Variants in ZNF418 observed in about 807,000 individuals in gnomAD.
ZNF418 encodes zinc finger protein 418.
A neutral mutation model predicts 32.0 loss-of-function variants in ZNF418; 32 were observed. That is an observed-to-expected ratio of 1.00 (90% CI 0.75 to 1.34). ZNF418 has a LOEUF of 1.34. Ranked by LOEUF, ZNF418 falls within the 40% of genes most tolerant of loss-of-function variation. The pLI, the probability that ZNF418 is intolerant of heterozygous loss-of-function variation, is 0.00. For synonymous variants in ZNF418, 276 were observed against 270.7 expected (o/e 1.02, Z -0.19); for missense variants, 804 against 812.5 (o/e 0.99, Z 0.13).
Position 57,928,039 on chromosome 19 carries a change from A to T in ZNF418, c.142T>A (p.Cys48Ser). 6.5e-7 allele frequency: 1 copy of T among 1,528,338 alleles called. No homozygotes were observed. The highest frequency in any genetic ancestry group is 1.3e-5 in the South Asian group (1 of 77,758). 94.7% of individuals were successfully genotyped at this position (1,528,338 alleles called of 1,614,324 possible). A position where few individuals can be genotyped will look rare whatever the true frequency, so the allele number is the denominator to read the frequency against. Residue 48 changes from cysteine (C) to serine (S), a missense_variant, in exon 4 of 6, where the codon TGT becomes AGT. Coordinates refer to ENST00000396147, the MANE Select transcript of ZNF418 (RefSeq NM_133460.3). ...WVLISSLGCW[C>S]GSEDEEAPSK... ...GGTGCCTCCTCATCTTCTGATCCACACCAACAACCTGAAAGCAAGAAAATG... is the reference window on the plus strand; with the variant it reads ...GGTGCCTCCTCATCTTCTGATCCACTCCAACAACCTGAAAGCAAGAAAATG...
In ZNF418 at chr19:57,926,410, A is replaced by G. The variant is rs773300226; in HGVS notation, c.1771T>C (p.Tyr591His). The change falls in exon 4 of 6, where the codon TAT becomes CAT. Residue 591 changes from tyrosine (Y) to histidine (H), a missense_variant. Tyr to His is a moderately conservative substitution (Grantham distance 83). Transcript: ENST00000396147. ...HRRVHTGERPYECRECGKTFT... is the reference protein window; with the variant it reads ...HRRVHTGERPHECRECGKTFT... ...GTTTTTCCACATTCCCTGCATTCAT[A>G]AGGCCTTTCTCCAGTGTGAACTCTC... 6.2e-7 allele frequency: 1 copy of G among 1,614,170 alleles called. No homozygotes were observed. The highest frequency in any genetic ancestry group is 1.1e-5 in the South Asian group (1 of 91,086).
chr19:57,934,277 G>C, intron 1 of ZNF418: 1 of 985,620 alleles, frequency 1.0e-6, no homozygotes, highest in Non-Finnish European at 1.2e-6. Flanking sequence ...CCAGGCCGGA[G>C]TGCAATGGCT....
Position 57,933,392 on chromosome 19 carries a change from C to G in ZNF418, c.6+425G>C, listed in dbSNP as rs1600186505. ...CAGGAGATCAAGACCATCTGGCTAACACGGTGAAACCCCATCTCTACTAAA... is the reference window on the plus strand; with the variant it reads ...CAGGAGATCAAGACCATCTGGCTAAGACGGTGAAACCCCATCTCTACTAAA... On this transcript the variant is annotated intron_variant, in intron 2 of 5. Coordinates refer to ENST00000396147, the MANE Select transcript of ZNF418 (RefSeq NM_133460.3). Among the ~76,000 whole-genome samples, 8 of 151,842 alleles carry G rather than the reference C, an allele frequency of 5.3e-5. 1 individual carries two copies. The South Asian group carries it at 1.7e-3, about 32-fold the overall frequency.
At chr19:57,929,510 G>A (rs28545524) in intron 3 of ZNF418, among the ~76,000 whole-genome samples, 4,875 of 152,202 alleles carry the variant, frequency 0.032, 273 homozygotes, top group African/African-American at 0.11. Context: ...AAACAGTGAT[G>A]AGCCAGGAAG....
chr19:57,935,193 T>C lies in ZNF418; in HGVS notation c.-113A>G. 3.8e-6 allele frequency: 5 copies of C among 1,300,230 alleles called. No homozygotes were observed. The highest frequency in any genetic ancestry group is 5.0e-6 in the Non-Finnish European group (5 of 1,004,390). 80.5% of individuals were successfully genotyped at this position (1,300,230 alleles called of 1,614,324 possible). ...GGGAGCCTCAGCGCGGCCGCCGCCATCCCGAGTACGCGGGGAAAGCACTGC... is the reference window on the plus strand; with the variant it reads ...GGGAGCCTCAGCGCGGCCGCCGCCACCCCGAGTACGCGGGGAAAGCACTGC... On this transcript the variant is annotated 5_prime_UTR_variant, in exon 1 of 6. It removes an upstream start codon present in the reference 5' UTR. Transcript: ENST00000396147.
chr19:57,927,040 G>A lies in ZNF418; in HGVS notation c.1141C>T (p.Gln381Ter). The A allele has an allele frequency of 1.2e-6, 2 of 1,613,950 alleles. No individual in the cohort carries two copies. The highest frequency in any genetic ancestry group is 8.5e-7 in the Non-Finnish European group (1 of 1,180,024). ...TGATGTTCAGTTAGGGTGCCCTTTT[G>A]ACTAAAACATTTTCCACATTCTTCA... ...ECEECGKCFSQKGTLTEHHRV... is the reference protein window; with the variant it reads ...ECEECGKCFS Residue 381 changes from glutamine to a stop codon, truncating the protein, a stop_gained, in exon 4 of 6, where the codon CAA (glutamine) becomes TAA (stop). Coordinates refer to ENST00000396147, the MANE Select transcript of ZNF418 (RefSeq NM_133460.3). LOFTEE classifies it low-confidence loss of function (END_TRUNC).
chr19:57,934,237 T>G (rs1169552352), intron 1 of ZNF418: 4 of 1,042,174 alleles, frequency 3.8e-6, no homozygotes, highest in Admixed American at 5.2e-5. Flanking sequence ...GTGGGTTCCT[T>G]TTTTTGAGCC....
rs2072198635 is a variant in ZNF418 at position 57,925,935 on chromosome 19, ATC to A, written c.*213_*214del. On this transcript the variant is annotated 3_prime_UTR_variant, in exon 4 of 6. Transcript: ENST00000396147. ...GTACAGTGTTTTCCTTATGAGAACA[ATC>A]TGTTATCCAATGACAGAAGGCAGAA... is the stretch of plus-strand genomic sequence containing the variant. 1.8e-6 allele frequency: 1 copy of A among 563,042 alleles called. No homozygotes were observed. Among genetic ancestry groups the A allele is most frequent in the East Asian group, 2.8e-5 (1 of 35,422 alleles). 34.9% of individuals were successfully genotyped at this position (563,042 alleles called of 1,614,324 possible).
intron 1 of ZNF418, chr19:57,934,218 A>C: frequency 9.2e-7 from 1 of 1,084,826 alleles, no homozygotes; most frequent in Non-Finnish European, 1.1e-6. Flanking sequence ...ACACCCTCTA[A>C]TTCCCTCTGT....
intron 4 of ZNF418, among the ~76,000 whole-genome samples, chr19:57,923,539 TACAC>T (rs34833982): frequency 0.023 from 3,384 of 144,012 alleles, 88 homozygotes; most frequent in African/African-American, 0.062. Flanking sequence ...TATATATACA[TACAC>T]ACACACACAC....
chr19:57,935,106 G>A, intron 1 of ZNF418, 55 bp downstream of exon 1: 1 of 1,277,532 alleles, frequency 7.8e-7, no homozygotes, highest in African/African-American at 1.5e-5. Flanking sequence ...CTCTCTCGCT[G>A]CTTCAGGATT....
intron 1 of ZNF418, 158 bp downstream of exon 1, chr19:57,935,003 G>A (rs2072638010): frequency 2.8e-6 from 4 of 1,423,156 alleles, no homozygotes; most frequent in South Asian, 2.6e-5. Context: ...TCTCCCCACC[G>A]CATCCCACAG....
At chr19:57,930,308 G>C in intron 3 of ZNF418, 120 bp downstream of exon 3, 3 of 1,487,988 alleles carry the variant, frequency 2.0e-6, no homozygotes, top group Non-Finnish European at 2.8e-6. Flanking sequence ...CCTACCCAGA[G>C]AAGTGGAGAA....
chr19:57,934,072 A>G lies in ZNF418; in HGVS notation c.-80-170T>C. ...GGAATACCTCCATACATCCTGTGTC[A>G]TGGACTTAGGATTCTGGGTTTAGGG... On this transcript the variant is annotated intron_variant, in intron 1 of 5. Coordinates refer to ENST00000396147, the MANE Select transcript of ZNF418 (RefSeq NM_133460.3). 3 of 1,425,496 alleles carry G rather than the reference A, an allele frequency of 2.1e-6. No individual in the cohort carries two copies. In the South Asian group the frequency reaches 4.5e-5, roughly 22 times the overall value. 88.3% of individuals were successfully genotyped at this position (1,425,496 alleles called of 1,614,324 possible). A position where few individuals can be genotyped will look rare whatever the true frequency, so the allele number is the denominator to read the frequency against.
Position 57,927,235 on chromosome 19 carries a change from A to T in ZNF418, c.946T>A (p.Cys316Ser). Residue 316 changes from cysteine (C) to serine (S), a missense_variant, in exon 4 of 6, where the codon TGT becomes AGT. By Grantham distance (112) the Cys-to-Ser change is moderately radical (BLOSUM62 -1). Coordinates refer to ENST00000396147, the MANE Select transcript of ZNF418 (RefSeq NM_133460.3). ...CTAAAAGATTTCCCACATTCTCCAC[A>T]CTCATAAGGTCTTTCTCCAGTATGA... ...RVHTGERPYECGECGKSFSQN... is the reference protein window; with the variant it reads ...RVHTGERPYESGECGKSFSQN... 6.2e-7 allele frequency: 1 copy of T among 1,614,138 alleles called. No homozygotes were observed. Among genetic ancestry groups the T allele is most frequent in the East Asian group, 2.2e-5 (1 of 44,878 alleles).
In ZNF418 at chr19:57,927,815, A is replaced by G; in HGVS notation, c.366T>C (p.Ser122=). ...CEAWGNKLYD[S]SNRPHQNQYL... ...ACTGATTCTGGTGCGGACGGTTTGA[A>G]CTATCATACAATTTATTCCCCCATG... Residue 122 remains serine (S), a synonymous_variant, in exon 4 of 6, where the codon AGT becomes AGC. Transcript: ENST00000396147. 6.2e-7 allele frequency: 1 copy of G among 1,614,146 alleles called. No individual in the cohort carries two copies. Among genetic ancestry groups the G allele is most frequent in the South Asian group, 1.1e-5 (1 of 91,078 alleles).
intron 4 of ZNF418, among the ~76,000 whole-genome samples, chr19:57,924,088 C>A (rs1453655888): frequency 6.6e-6 from 1 of 151,342 alleles, no homozygotes; most frequent in East Asian, 1.9e-4. Context: ...CTGCAGTGAA[C>A]TATGATCTCG....
rs374449443 is a variant in ZNF418, at chr19:57,926,928, C to T, written c.1253G>A (p.Arg418Gln). The T allele has an allele frequency of 8.1e-6, 13 of 1,613,944 alleles. No individual in the cohort carries two copies. Among genetic ancestry groups the T allele is most frequent in the Middle Eastern group, 3.3e-4 (2 of 6,080 alleles). ...SRKGHLRNHQ[R>Q]GHTGERPYEC... ...GTAAGGTCTTTCTCCAGTGTGACCT[C>T]GCTGATGGTTCCTAAGGTGTCCCTT... is the stretch of plus-strand genomic sequence containing the variant. Residue 418 changes from arginine (R) to glutamine (Q), a missense_variant, in exon 4 of 6, where the codon CGA (arginine) becomes CAA (glutamine). Coordinates refer to ENST00000396147, the MANE Select transcript of ZNF418 (RefSeq NM_133460.3).
chr19:57,922,537 G>C lies in ZNF418; in HGVS notation c.*718C>G, dbSNP rs578247263. ...AGAGAGAACATGCAGATCATAATCA[G>C]TTCATATTTATAATCTTGGGCTGGA... On this transcript the variant is annotated 3_prime_UTR_variant, in exon 6 of 6. Coordinates refer to ENST00000396147, the MANE Select transcript of ZNF418 (RefSeq NM_133460.3). The C allele has an allele frequency of 7.5e-6, 3 of 398,460 alleles. No homozygotes were observed. The highest frequency in any genetic ancestry group is 3.6e-5 in the East Asian group (1 of 28,064). The allele number at this position is 398,460 out of a possible 1,614,324, so 24.7% of individuals were successfully genotyped here. A position where few individuals can be genotyped will look rare whatever the true frequency, so the allele number is the denominator to read the frequency against.
Sources: allele counts gnomAD v4.1 joint callset (sites outside exome capture counted in the v4.1 genomes callset), GRCh38; gene constraint gnomAD v4.1.1; transcripts MANE v1.5; gene names NCBI Gene and HGNC (gene_info 2026-07-23, HGNC 2026-07-21).